The following FAM178B variants were observed in gnomAD, a reference collection of about 807,000 sequenced individuals.
The protein encoded by FAM178B is family with sequence similarity 178 member B.
In FAM178B, 82 loss-of-function variants were observed where a neutral mutation model predicts 91.7. The observed-to-expected ratio is 0.89, with a 90% CI of 0.75 to 1.07. The LOEUF is 1.07. FAM178B is among the 50% of genes least tolerant of loss of function. The pLI is 0.00. For missense variants in FAM178B, 769 were observed against 846.7 expected, an observed-to-expected ratio of 0.91 and a Z score of 1.14; for synonymous variants, 368 against 359.4, an observed-to-expected ratio of 1.02 and a Z score of -0.27.
rs1335465463 is a variant in FAM178B, at chr2:96,947,838, T to A, written c.1058A>T (p.Asp353Val). Residue 353 changes from aspartate to valine, a missense_variant, in exon 8 of 17, where the codon GAT (aspartate) becomes GTT (valine). Transcript: ENST00000490605. ...CTGACCAGGCTGAAGGAAGATTCCA[T>A]CCACAATGAGATCCCACAGAAGACC... ...AFGLLWDLIV[D>V]GIFLQPDEDK... The A allele has an allele frequency of 6.5e-7, 1 of 1,545,628 alleles. No homozygotes were observed.
intron 13 of FAM178B, among the ~76,000 whole-genome samples, chr2:96,901,117 C>T (rs531080491): frequency 1.6e-4 from 24 of 152,208 alleles, no homozygotes; most frequent in African/African-American, 5.5e-4. Context: ...TGCCAGGAGC[C>T]TGCAGTCAGA....
intron 5 of FAM178B, among the ~76,000 whole-genome samples, chr2:96,964,436 G>C (rs1415343804): frequency 6.6e-6 from 1 of 152,140 alleles, no homozygotes; most frequent in African/African-American, 2.4e-5. Context: ...ATAATACCTC[G>C]GCCAGGCTCA....
At chr2:96,920,730 C>T (rs1202507607) in intron 12 of FAM178B, among the ~76,000 whole-genome samples, 2 of 152,280 alleles carry the variant, frequency 1.3e-5, no homozygotes, top group East Asian at 3.9e-4. Flanking sequence ...AAAGCCACAG[C>T]CATAAACAAG....
chr2:96,925,589 C>G (rs1205455061), intron 9 of FAM178B, among the ~76,000 whole-genome samples: 3 of 152,202 alleles, frequency 2.0e-5, no homozygotes, highest in African/African-American at 7.2e-5. Context: ...CCCTGCTCCC[C>G]TCCTGGGCTT....
intron 1 of FAM178B, among the ~76,000 whole-genome samples, chr2:96,982,611 T>C (rs2082376318): frequency 6.6e-6 from 1 of 151,918 alleles, no homozygotes; most frequent in Non-Finnish European, 1.5e-5. Flanking sequence ...CTCTGTCATG[T>C]AGACTGGAGT....
chr2:96,909,356 T>C (rs2081112396), intron 12 of FAM178B, among the ~76,000 whole-genome samples: 1 of 152,124 alleles, frequency 6.6e-6, no homozygotes, highest in African/African-American at 2.4e-5. Flanking sequence ...AACCTGCCCT[T>C]CTGGGACTTC....
intron 6 of FAM178B, among the ~76,000 whole-genome samples, chr2:96,954,588 C>A (rs1330503801): frequency 6.6e-6 from 1 of 152,222 alleles, no homozygotes; most frequent in Non-Finnish European, 1.5e-5. Flanking sequence ...CTTTAGAATC[C>A]CAAGTGATGG....
At chr2:96,931,235 C>A (rs1421312223) in intron 8 of FAM178B, among the ~76,000 whole-genome samples, 1 of 151,976 alleles carries the variant, frequency 6.6e-6, no homozygotes, top group African/African-American at 2.4e-5. Flanking sequence ...AGTGTCCCAC[C>A]CTGAGGACCC....
At chr2:96,984,953 G>T (rs764590611) in intron 1 of FAM178B, among the ~76,000 whole-genome samples, 1 of 152,168 alleles carries the variant, frequency 6.6e-6, no homozygotes, top group Non-Finnish European at 1.5e-5. Flanking sequence ...AAGGCACTGT[G>T]ACTTTCTGTG....
chr2:96,911,580 A>C, intron 12 of FAM178B, among the ~76,000 whole-genome samples: 1 of 152,234 alleles, frequency 6.6e-6, no homozygotes. Context: ...CACATCAGCA[A>C]TGCGAACACA....
chr2:96,956,829 T>G (rs1453644234), intron 6 of FAM178B: 3 of 152,200 alleles, frequency 2.0e-5, no homozygotes, highest in Non-Finnish European at 4.4e-5. Context: ...AGCAGCAACT[T>G]TGTGTATGGA....
At chr2:96,935,288 A>G (rs1002223869) in intron 8 of FAM178B, among the ~76,000 whole-genome samples, 1 of 152,302 alleles carries the variant, frequency 6.6e-6, no homozygotes, top group South Asian at 2.1e-4. Flanking sequence ...CAGAGACCCA[A>G]CTGTACCTGC....
rs55924441 is a variant in FAM178B, at chr2:96,958,697, T to TAAAAAAA, written c.887+1584_887+1590dup. ...AGAGTGAGACTCCATCTCAAAATAC[T>TAAAAAAA]AAAAAAAAAAAAAAAAAAAAAAAAA... is the stretch of plus-strand genomic sequence containing the variant. On this transcript the variant is annotated intron_variant, in intron 6 of 16. Coordinates refer to ENST00000490605, the MANE Select transcript of FAM178B (RefSeq NM_001122646.3). Among the ~76,000 whole-genome samples, 23 of 55,532 alleles carry TAAAAAAA rather than the reference T, an allele frequency of 4.1e-4. 1 individual carries two copies. Among genetic ancestry groups the TAAAAAAA allele is most frequent in the East Asian group, 2.5e-3 (3 of 1,188 alleles). 36.4% of individuals were successfully genotyped at this position (55,532 alleles called of 152,430 possible).
chr2:96,978,008 G>C, intron 1 of FAM178B: 1 of 418,688 alleles, frequency 2.4e-6, no homozygotes, highest in Non-Finnish European at 4.8e-6. Context: ...AGGAGAAAAC[G>C]TCATTGCTAA....
intron 9 of FAM178B, among the ~76,000 whole-genome samples, chr2:96,927,270 C>T (rs527630326): frequency 4.7e-4 from 72 of 152,314 alleles, no homozygotes; most frequent in African/African-American, 1.7e-3. Context: ...GGGAGGGGCT[C>T]CAGGCAGGAA....
In FAM178B at chr2:96,936,342, C is replaced by G. The variant is rs530067810; in HGVS notation, c.1079-7022G>C. Among the ~76,000 whole-genome samples, 3 of 150,458 alleles carry G rather than the reference C, an allele frequency of 2.0e-5. No homozygotes were observed. The East Asian group carries it at 5.8e-4, about 29-fold the overall frequency. Reference sequence around the variant, plus strand: ...TCAGCCTCCCGAGTAGCTGGAACTACAGGCGCCCGCCACCACGCCCGGCTA... The same window carrying G: ...TCAGCCTCCCGAGTAGCTGGAACTAGAGGCGCCCGCCACCACGCCCGGCTA... On this transcript the variant is annotated intron_variant, in intron 8 of 16. Transcript: ENST00000490605.
At chr2:96,923,462 CCTGCA>C in intron 10 of FAM178B, 23 bp downstream of exon 10, 5 of 1,521,068 alleles carry the variant, frequency 3.3e-6, no homozygotes, top group Non-Finnish European at 4.5e-6. Flanking sequence ...CCGAGAGTGC[CCTGCA>C]TGAGGCAGGC....
intron 6 of FAM178B, among the ~76,000 whole-genome samples, chr2:96,954,792 A>C (rs776231949): frequency 7.9e-5 from 12 of 152,196 alleles, no homozygotes; most frequent in Non-Finnish European, 1.8e-4. Context: ...GCTCATGTCT[A>C]TAATCTCAGA....
intron 13 of FAM178B, among the ~76,000 whole-genome samples, chr2:96,901,542 A>C (rs2080932577): frequency 6.6e-6 from 1 of 152,184 alleles, no homozygotes; most frequent in Non-Finnish European, 1.5e-5. Context: ...AGGGGACACC[A>C]GAGGGAGTAG....
Sources: allele counts gnomAD v4.1 joint callset (sites outside exome capture counted in the v4.1 genomes callset), GRCh38; gene constraint gnomAD v4.1.1; transcripts MANE v1.5; gene names NCBI Gene and HGNC (gene_info 2026-07-23, HGNC 2026-07-21).